The following ARHGAP15 variants were observed in gnomAD, a reference collection of about 807,000 sequenced individuals.
ARHGAP15 encodes rho GTPase-activating protein 15.
A neutral mutation model predicts 63.7 loss-of-function variants in ARHGAP15; 51 were observed. The observed-to-expected ratio is 0.80, with a 90% CI of 0.64 to 1.01. The LOEUF is 1.01. Among genes scored for constraint, ARHGAP15 ranks in the 50% least tolerant of loss-of-function variants. ARHGAP15 has a pLI of 0.00. For synonymous variants in ARHGAP15, 191 were observed against 193.8 expected (o/e 0.99, Z 0.12); for missense variants, 560 against 564.6 (o/e 0.99, Z 0.08).
intron 5 of ARHGAP15, among the ~76,000 whole-genome samples, chr2:143,234,556 A>G (rs988560198): frequency 6.6e-6 from 1 of 152,216 alleles, no homozygotes; most frequent in Non-Finnish European, 1.5e-5. Context: ...TTATGTCTAC[A>G]TAATAGGAGG....
chr2:143,138,275 G>T (rs1689224955), intron 1 of ARHGAP15, among the ~76,000 whole-genome samples: 1 of 152,028 alleles, frequency 6.6e-6, no homozygotes, highest in Non-Finnish European at 1.5e-5. Context: ...GGAAGCTAAG[G>T]TTAAGAGATT....
intron 6 of ARHGAP15, among the ~76,000 whole-genome samples, chr2:143,430,025 G>T (rs1689312297): frequency 6.6e-6 from 1 of 151,980 alleles, no homozygotes; most frequent in Non-Finnish European, 1.5e-5. Context: ...GATCCCTAGT[G>T]GCTTGTTCCT....
Position 143,213,687 on chromosome 2 carries a change from G to A in ARHGAP15, c.235-2697G>A, listed in dbSNP as rs564363927. On this transcript the variant is annotated intron_variant, in intron 3 of 13. Transcript: ENST00000295095. Reference sequence around the variant, plus strand: ...GTAGGTAATAGAACATAGCAGAAGCGTTATTAGCTTCTTCTAATGACCTGG... The same window carrying A: ...GTAGGTAATAGAACATAGCAGAAGCATTATTAGCTTCTTCTAATGACCTGG... Among the ~76,000 whole-genome samples the A allele has an allele frequency of 9.2e-5, 14 of 152,300 alleles. No homozygotes were observed. In the East Asian group the frequency reaches 9.6e-4, roughly 10 times the overall value.
intron 12 of ARHGAP15, among the ~76,000 whole-genome samples, chr2:143,667,461 C>G (rs1337824379): frequency 6.8e-6 from 1 of 146,326 alleles, no homozygotes; most frequent in South Asian, 2.3e-4. Flanking sequence ...GGGAGATATA[C>G]CTAATGCTAG....
intron 3 of ARHGAP15, among the ~76,000 whole-genome samples, chr2:143,211,162 A>C (rs1692543397): frequency 6.6e-6 from 1 of 152,158 alleles, no homozygotes. Flanking sequence ...CAAATATAGC[A>C]TGAATAGCAG....
At chr2:143,502,842 A>G (rs1262989532) in intron 9 of ARHGAP15, among the ~76,000 whole-genome samples, 1 of 151,986 alleles carries the variant, frequency 6.6e-6, no homozygotes, top group Non-Finnish European at 1.5e-5. Context: ...AACCTCCCCA[A>G]ATGCTGGGAT....
intron 12 of ARHGAP15, among the ~76,000 whole-genome samples, chr2:143,648,086 T>C (rs1680975652): frequency 6.6e-6 from 1 of 151,876 alleles, no homozygotes; most frequent in African/African-American, 2.4e-5. Context: ...GGGAGTCCTC[T>C]TAACCCTGGG....
chr2:143,379,531 G>GTGTGTGTA (rs1686971792), intron 6 of ARHGAP15, among the ~76,000 whole-genome samples: 1 of 142,592 alleles, frequency 7.0e-6, no homozygotes, highest in South Asian at 2.2e-4. Context: ...GTGTGTGTGT[G>GTGTGTGTA]TATGAGAGAG....
At chr2:143,332,997 T>C (rs1167081889) in intron 6 of ARHGAP15, among the ~76,000 whole-genome samples, 1 of 148,472 alleles carries the variant, frequency 6.7e-6, no homozygotes, top group Non-Finnish European at 1.5e-5. Context: ...AAAGCTACCA[T>C]TATATTGAGG....
chr2:143,455,802 C>T (rs1690621598), intron 8 of ARHGAP15, among the ~76,000 whole-genome samples: 1 of 151,974 alleles, frequency 6.6e-6, no homozygotes, highest in African/African-American at 2.4e-5. Context: ...GACCACAGTC[C>T]ACCAAAGTGT....
intron 13 of ARHGAP15, among the ~76,000 whole-genome samples, chr2:143,740,213 G>A (rs1685909831): frequency 6.6e-6 from 1 of 152,148 alleles, no homozygotes; most frequent in African/African-American, 2.4e-5. Flanking sequence ...TACAAGATGA[G>A]CGTAATTATA....
chr2:143,598,181 C>T (rs557825272), intron 11 of ARHGAP15, among the ~76,000 whole-genome samples: 1 of 152,184 alleles, frequency 6.6e-6, no homozygotes, highest in East Asian at 1.9e-4. Context: ...GCAGGAGTGT[C>T]TGAAATGCAT....
chr2:143,538,494 C>T (rs1035166938), intron 10 of ARHGAP15, among the ~76,000 whole-genome samples: 1 of 152,192 alleles, frequency 6.6e-6, no homozygotes, highest in Non-Finnish European at 1.5e-5. Context: ...TTTGTCCACT[C>T]AGTATGATAT....
rs1018803806 is a variant in ARHGAP15, at chr2:143,471,210, A to G, written c.704-16163A>G. Among the ~76,000 whole-genome samples, 39 of 144,934 alleles carry G rather than the reference A, an allele frequency of 2.7e-4. 1 individual carries two copies. The highest frequency in any genetic ancestry group is 1.4e-3 in the Admixed American group (21 of 14,640). On this transcript the variant is annotated intron_variant, in intron 8 of 13. Transcript: ENST00000295095. ...TATATATACACACATATATGTGTGTATATATACACACACATGTGTATGTGT... is the reference window on the plus strand; with the variant it reads ...TATATATACACACATATATGTGTGTGTATATACACACACATGTGTATGTGT...
intron 1 of ARHGAP15, among the ~76,000 whole-genome samples, chr2:143,151,184 G>T (rs1689800420): frequency 6.6e-6 from 1 of 151,980 alleles, no homozygotes; most frequent in Admixed American, 6.6e-5. Flanking sequence ...AAGTCAAGTT[G>T]GACTCTGGGG....
At chr2:143,371,767 A>G (rs1686568579) in intron 6 of ARHGAP15, among the ~76,000 whole-genome samples, 1 of 152,124 alleles carries the variant, frequency 6.6e-6, no homozygotes, top group African/African-American at 2.4e-5. Flanking sequence ...CCCACTCTTA[A>G]GCAATCATTT....
intron 1 of ARHGAP15, among the ~76,000 whole-genome samples, chr2:143,147,923 G>T (rs1402469098): frequency 1.3e-5 from 2 of 151,950 alleles, no homozygotes; most frequent in Non-Finnish European, 2.9e-5. Context: ...TGGCCTCAGG[G>T]GTCAAGGATT....
At chr2:143,730,942 T>TCCC (rs1190169250) in intron 13 of ARHGAP15, among the ~76,000 whole-genome samples, 1 of 73,132 alleles carries the variant, frequency 1.4e-5, no homozygotes, top group Admixed American at 1.3e-4. Context: ...TTTTTTTTTT[T>TCCC]TTTTGATTCA....
At chr2:143,369,248 C>A (rs1202289875) in intron 6 of ARHGAP15, among the ~76,000 whole-genome samples, 1 of 152,082 alleles carries the variant, frequency 6.6e-6, no homozygotes, top group Non-Finnish European at 1.5e-5. Context: ...GATACTTATG[C>A]TCTTCAAATA....
Sources: allele counts gnomAD v4.1 joint callset (sites outside exome capture counted in the v4.1 genomes callset), GRCh38; gene constraint gnomAD v4.1.1; transcripts MANE v1.5; gene names NCBI Gene and HGNC (gene_info 2026-07-23, HGNC 2026-07-21).